MALRD1: variants seen among roughly 807,000 people sequenced by gnomAD.
MALRD1 encodes MAM and LDL receptor class A domain containing 1.
In MALRD1, 247 loss-of-function variants were observed where a neutral mutation model predicts 242.1. The ratio of observed to expected loss-of-function variants is 1.02; its 90% CI spans 0.92 to 1.13. The LOEUF is 1.13. Ranked by LOEUF, MALRD1 falls within the 50% of genes most tolerant of loss-of-function variation. The probability of loss-of-function intolerance (pLI) is 0.00; values close to 1 mark genes in which losing one functional copy is unlikely to be tolerated. For synonymous variants in MALRD1, 995 were observed against 866.6 expected, an observed-to-expected ratio of 1.15 and a Z score of -2.60; for missense variants, 2,989 against 2,533.1, an observed-to-expected ratio of 1.18 and a Z score of -3.86.
chr10:19,327,787 T>C, intron 23 of MALRD1, 114 bp downstream of exon 23: 1 of 805,666 alleles, frequency 1.2e-6, no homozygotes, highest in Non-Finnish European at 2.0e-6. Flanking sequence ...TGATGTGTTC[T>C]GTGGATGCGT....
chr10:19,384,157 C>A (rs1048994280), intron 26 of MALRD1, among the ~76,000 whole-genome samples: 1 of 150,208 alleles, frequency 6.7e-6, no homozygotes, highest in Non-Finnish European at 1.5e-5. Context: ...CATATATTGT[C>A]CACTTGTATG....
chr10:19,365,370 G>A (rs539277003), intron 26 of MALRD1, among the ~76,000 whole-genome samples: 1 of 152,022 alleles, frequency 6.6e-6, no homozygotes, highest in Non-Finnish European at 1.5e-5. Flanking sequence ...TAGTTGAACT[G>A]GACATACTGC....
intron 23 of MALRD1, 34 bp downstream of exon 23, chr10:19,327,707 T>A: frequency 3.4e-6 from 5 of 1,467,542 alleles, no homozygotes; most frequent in Non-Finnish European, 4.7e-6. Flanking sequence ...GGTGAGTGAG[T>A]TCTGCTGATT....
At chr10:19,058,270 T>C (rs530388591) in intron 1 of MALRD1, among the ~76,000 whole-genome samples, 18 of 152,320 alleles carry the variant, frequency 1.2e-4, no homozygotes, top group African/African-American at 4.3e-4. Flanking sequence ...CACCATACCA[T>C]GCTGTTTTTA....
chr10:19,135,484 T>G (rs1833304927), intron 9 of MALRD1, among the ~76,000 whole-genome samples: 2 of 152,146 alleles, frequency 1.3e-5, no homozygotes, highest in African/African-American at 2.4e-5. Context: ...GAAAATCTAT[T>G]CAGAAACTTT....
chr10:19,620,626 G>T (rs1344679703), intron 36 of MALRD1, among the ~76,000 whole-genome samples: 1 of 151,878 alleles, frequency 6.6e-6, no homozygotes, highest in Non-Finnish European at 1.5e-5. Context: ...AACTCCTTTG[G>T]AGAGTTCATG....
At chr10:19,480,582 T>C (rs1299097920) in intron 29 of MALRD1, among the ~76,000 whole-genome samples, 1 of 152,180 alleles carries the variant, frequency 6.6e-6, no homozygotes, top group African/African-American at 2.4e-5. Flanking sequence ...GGGGTTGACA[T>C]TTATTTTAAA....
At chr10:19,723,140 C>T (rs1267374311) in intron 38 of MALRD1, among the ~76,000 whole-genome samples, 1 of 152,102 alleles carries the variant, frequency 6.6e-6, no homozygotes, top group Admixed American at 6.5e-5. Context: ...TATTGTCTGA[C>T]ATCTTAGAAA....
intron 13 of MALRD1, among the ~76,000 whole-genome samples, chr10:19,169,950 T>G (rs1477697742): frequency 2.0e-5 from 3 of 152,170 alleles, no homozygotes; most frequent in Non-Finnish European, 4.4e-5. Context: ...CATCAAATCA[T>G]GTGACCTCTG....
intron 18 of MALRD1, among the ~76,000 whole-genome samples, chr10:19,232,036 G>A (rs1187821675): frequency 6.6e-6 from 1 of 152,012 alleles, no homozygotes; most frequent in East Asian, 1.9e-4. Context: ...GGATGGCTCT[G>A]AAAACGTTAG....
chr10:19,306,407 CCGTGT>C (rs1842206531), intron 21 of MALRD1, among the ~76,000 whole-genome samples: 1 of 97,624 alleles, frequency 1.0e-5, no homozygotes, highest in Non-Finnish European at 2.2e-5. Context: ...CGTATATGTA[CCGTGT>C]ATAGTATATA....
At chr10:19,178,235 A>G (rs1431618508) in intron 14 of MALRD1, among the ~76,000 whole-genome samples, 1 of 152,210 alleles carries the variant, frequency 6.6e-6, no homozygotes, top group Non-Finnish European at 1.5e-5. Context: ...GACAGATTAC[A>G]TGAATGATTC....
intron 28 of MALRD1, among the ~76,000 whole-genome samples, chr10:19,425,125 C>G (rs1248062909): frequency 2.6e-5 from 4 of 152,014 alleles, no homozygotes; most frequent in Non-Finnish European, 5.9e-5. Flanking sequence ...TTTTTGTCTT[C>G]CAGAGTGGCT....
intron 34 of MALRD1, among the ~76,000 whole-genome samples, chr10:19,602,135 G>A (rs11819664): frequency 0.022 from 3,141 of 140,764 alleles, 132 homozygotes; most frequent in African/African-American, 0.079. Context: ...CATCCTGCAA[G>A]TCTATCAGTG....
At chr10:19,546,155 A>G (rs1835198969) in intron 32 of MALRD1, among the ~76,000 whole-genome samples, 1 of 152,084 alleles carries the variant, frequency 6.6e-6, no homozygotes, top group Non-Finnish European at 1.5e-5. Flanking sequence ...TTCTATTTCT[A>G]TAGATGGATG....
chr10:19,425,281 C>T (rs2130927467), intron 28 of MALRD1, among the ~76,000 whole-genome samples: 1 of 152,182 alleles, frequency 6.6e-6, no homozygotes, highest in Middle Eastern at 3.4e-3. Context: ...TGACATTTTA[C>T]CTTAGTTTGG....
intron 5 of MALRD1, among the ~76,000 whole-genome samples, chr10:19,117,358 A>T (rs902845286): frequency 3.3e-5 from 5 of 152,110 alleles, no homozygotes; most frequent in African/African-American, 1.2e-4. Flanking sequence ...TGGTGAAAGA[A>T]ATGTAATACA....
intron 28 of MALRD1, among the ~76,000 whole-genome samples, chr10:19,441,917 C>T (rs1834678300): frequency 2.6e-5 from 4 of 152,092 alleles, no homozygotes; most frequent in African/African-American, 7.2e-5. Context: ...TATAAATTAC[C>T]TTGGGCAGTA....
chr10:19,485,099 C>T (rs1457903398), intron 29 of MALRD1, among the ~76,000 whole-genome samples: 2 of 152,150 alleles, frequency 1.3e-5, no homozygotes, highest in Non-Finnish European at 1.5e-5. Context: ...TGCATGTTCT[C>T]ACTTAAAAGT....
Sources: gnomAD v4.1 joint callset for allele counts (sites outside exome capture counted in the v4.1 genomes callset) on GRCh38, gnomAD v4.1.1 for gene constraint, MANE v1.5 for transcripts, NCBI Gene and HGNC (gene_info 2026-07-23, HGNC 2026-07-21) for gene names.